Variants in PRDM1 observed in about 807,000 individuals in gnomAD.
PRDM1 encodes PR/SET domain 1.
Under a neutral mutation model 62.8 loss-of-function variants are expected in PRDM1, and 13 were observed. That is an observed-to-expected ratio of 0.21 (90% CI 0.13 to 0.33). The LOEUF (loss-of-function observed/expected upper bound fraction) is 0.33. PRDM1 is among the 10% of genes least tolerant of loss of function. PRDM1 has a pLI of 1.00. For synonymous variants in PRDM1, 396 were observed against 417.6 expected, an observed-to-expected ratio of 0.95 and a Z score of 0.63; for missense variants, 895 against 1,058.8, an observed-to-expected ratio of 0.85 and a Z score of 2.15.
chr6:106,000,373 A>AG (rs1489256317), intron 1 of PRDM1, among the ~76,000 whole-genome samples: 1 of 152,202 alleles, frequency 6.6e-6, no homozygotes, highest in Admixed American at 6.5e-5. Context: ...GCTTGAAGCC[A>AG]GAGGTTCAAG....
At position 106,066,091 on chromosome 6, in the gene PRDM1, C is replaced by T. The variant is rs144566186; in HGVS notation, c.-67+17377C>T. Among the ~76,000 whole-genome samples the T allele has an allele frequency of 3.7e-4, 57 of 152,250 alleles. 1 individual carries two copies. The East Asian group carries it at 9.1e-3, about 24-fold the overall frequency. On this transcript the variant is annotated intron_variant, in intron 1 of 6. Transcript: ENST00000651185. ...GTTGGGAGGCCCTTGGAGAAACAGCCGCCCTGCCTAACCACCCATTGTCTA... is the reference window on the plus strand; with the variant it reads ...GTTGGGAGGCCCTTGGAGAAACAGCTGCCCTGCCTAACCACCCATTGTCTA...
chr6:106,023,722 G>C (rs777074254), intron 1 of PRDM1, among the ~76,000 whole-genome samples: 13 of 152,200 alleles, frequency 8.5e-5, no homozygotes, highest in Non-Finnish European at 1.8e-4. Flanking sequence ...AATTGTCCCA[G>C]AGCTGGACAG....
rs1650232184 is a variant in PRDM1 at position 106,105,459 on chromosome 6, C to G, written c.1299C>G (p.Gly433=). ...TGAGCGCTGTGAGCAGCATGAATGGCATCAACAACTTTGGCCTCTTCCCGA... is the reference window on the plus strand; with the variant it reads ...TGAGCGCTGTGAGCAGCATGAATGGGATCAACAACTTTGGCCTCTTCCCGA... ...NGLSAVSSMN[G]INNFGLFPRL... is the part of the protein sequence containing the mutation. The change falls in exon 5 of 7, where the codon GGC becomes GGG. Residue 433 remains glycine (G), a synonymous_variant. Coordinates refer to ENST00000369096, the MANE Select transcript of PRDM1 (RefSeq NM_001198.4). The G allele has an allele frequency of 6.2e-7, 1 of 1,614,046 alleles. No individual in the cohort carries two copies. The highest frequency in any genetic ancestry group is 1.3e-5 in the African/African-American group (1 of 74,924).
At chr6:106,027,151 A>T (rs1438349653) in intron 1 of PRDM1, among the ~76,000 whole-genome samples, 17 of 152,182 alleles carry the variant, frequency 1.1e-4, no homozygotes, top group Non-Finnish European at 1.5e-5. Context: ...GCTCTCCCTC[A>T]GTTTATTCCT....
Position 106,086,663 on chromosome 6 carries a change from ATTG to A in PRDM1, c.42+71_42+73del, listed in dbSNP as rs111440924. 88 of 1,367,688 alleles carry A rather than the reference ATTG, an allele frequency of 6.4e-5. 2 individuals are homozygous for A. In the African/African-American group the frequency reaches 8.8e-4, roughly 14 times the overall value. 84.7% of individuals were successfully genotyped at this position (1,367,688 alleles called of 1,614,324 possible). A position where few individuals can be genotyped will look rare whatever the true frequency, so the allele number is the denominator to read the frequency against. Reference sequence around the variant, plus strand: ...TGAAAACTTTATTTTCTTTTCCTTTATTGTTATTATTATTAATTTTTTTTGGCT... The same window carrying A: ...TGAAAACTTTATTTTCTTTTCCTTTATTATTATTATTAATTTTTTTTGGCT... On this transcript the variant is annotated intron_variant, in intron 1 of 6. Transcript: ENST00000369096.
At chr6:106,075,809 AG>A (rs1461758419) in intron 1 of PRDM1, among the ~76,000 whole-genome samples, 3 of 151,934 alleles carry the variant, frequency 2.0e-5, no homozygotes, top group Admixed American at 1.3e-4. Context: ...CTCCTGCCTC[AG>A]TCTCCAGAGT....
chr6:106,040,557 C>T (rs576457567), intron 1 of PRDM1, among the ~76,000 whole-genome samples: 4 of 152,378 alleles, frequency 2.6e-5, no homozygotes, highest in East Asian at 3.9e-4. Flanking sequence ...TGCAGCTTTT[C>T]TCTGTAAAGC....
chr6:106,062,432 C>A (rs1230752226), intron 1 of PRDM1, among the ~76,000 whole-genome samples: 2 of 152,106 alleles, frequency 1.3e-5, no homozygotes, highest in Admixed American at 6.5e-5. Flanking sequence ...CTGATTTATA[C>A]AGAATAATTT....
chr6:106,027,604 T>A (rs1473959236), intron 1 of PRDM1, among the ~76,000 whole-genome samples: 1 of 147,130 alleles, frequency 6.8e-6, no homozygotes, highest in Non-Finnish European at 1.5e-5. Flanking sequence ...ACAGACTGCA[T>A]GGAAAAATAG....
chr6:106,010,413 C>G (rs1772531691), intron 1 of PRDM1, among the ~76,000 whole-genome samples: 1 of 152,082 alleles, frequency 6.6e-6, no homozygotes, highest in African/African-American at 2.4e-5. Context: ...ATCAGCTCAA[C>G]TTTTTTGACT....
Position 106,088,253 on chromosome 6 carries a change from G to T in PRDM1, c.95G>T (p.Gly32Val). Residue 32 changes from glycine to valine, a missense_variant, in exon 2 of 7, where the codon GGG becomes GTG. By Grantham distance (109) the Gly-to-Val change is moderately radical (BLOSUM62 -3). This residue lies in a region of PRDM1 where 213 missense variants were observed against 283.9 expected (regional missense o/e 0.75). Coordinates refer to ENST00000369096, the MANE Select transcript of PRDM1 (RefSeq NM_001198.4). The part of the protein sequence containing the change: ...STVRFQGLAE[G>V]TKGTMKMDME... ...GTGAGGTTTCAGGGATTGGCAGAGG[G>T]GACCAAGGGGACCATGAAAATGGAC... 1 of 1,614,058 alleles carries T rather than the reference G, an allele frequency of 6.2e-7. No homozygotes were observed. Among genetic ancestry groups the T allele is most frequent in the Non-Finnish European group, 8.5e-7 (1 of 1,179,994 alleles).
At chr6:106,023,950 T>C (rs1474770551) in intron 1 of PRDM1, among the ~76,000 whole-genome samples, 1 of 152,176 alleles carries the variant, frequency 6.6e-6, no homozygotes, top group African/African-American at 2.4e-5. Flanking sequence ...GAGACCAGCC[T>C]AGGCAACATA....
At chr6:106,004,170 C>T (rs1772458843) in intron 1 of PRDM1, among the ~76,000 whole-genome samples, 1 of 152,028 alleles carries the variant, frequency 6.6e-6, no homozygotes, top group South Asian at 2.1e-4. Context: ...AGCCTGACCT[C>T]TCCACTCTCT....
At chr6:106,020,155 G>C (rs1344020794) in intron 1 of PRDM1, among the ~76,000 whole-genome samples, 1 of 146,340 alleles carries the variant, frequency 6.8e-6, no homozygotes, top group Admixed American at 6.8e-5. Flanking sequence ...TTGAACCCAG[G>C]AGGGGAAATA....
rs896363725 is a variant in PRDM1, at chr6:105,994,126, A to G, written c.-67+487A>G. Among the ~76,000 whole-genome samples, 8 of 150,822 alleles carry G rather than the reference A, an allele frequency of 5.3e-5. No individual in the cohort carries two copies. The highest frequency in any genetic ancestry group is 1.0e-4 in the Non-Finnish European group (7 of 67,752). On this transcript the variant is annotated intron_variant, in intron 1 of 6. Transcript: ENST00000652320. The surrounding 1 kb of genome is among the most constrained non-coding windows in gnomAD (Gnocchi z 4.1). ...GTTTTAAAAAGCGCGGGGACGGTGG[A>G]GAGGGAGGCGAAGAGCCCGCGCTGC...
At chr6:105,995,976 T>C (rs963441341) in intron 1 of PRDM1, among the ~76,000 whole-genome samples, 1 of 152,218 alleles carries the variant, frequency 6.6e-6, no homozygotes, top group Non-Finnish European at 1.5e-5. Context: ...GGAAAAGCCT[T>C]AAGTAGGATA....
chr6:106,043,397 T>G (rs567872541), intron 1 of PRDM1, among the ~76,000 whole-genome samples: 3 of 152,350 alleles, frequency 2.0e-5, no homozygotes, highest in Admixed American at 1.3e-4. Flanking sequence ...GTGCCTGGCA[T>G]GTAGAGGGAG....
chr6:106,012,634 C>T (rs2114551589), intron 1 of PRDM1, among the ~76,000 whole-genome samples: 1 of 152,220 alleles, frequency 6.6e-6, no homozygotes, highest in East Asian at 1.9e-4. Context: ...CATTACCCCC[C>T]TACACACTCA....
intron 4 of PRDM1, chr6:106,100,417 A>G (rs1774235053): frequency 6.6e-6 from 1 of 152,254 alleles, no homozygotes. Flanking sequence ...TGGTTTTGAT[A>G]TCATTTCAAA....
Sources: gnomAD v4.1 joint callset for allele counts (sites outside exome capture counted in the v4.1 genomes callset) on GRCh38, gnomAD v4.1.1 for gene constraint, gnomAD v4.1.1 regional missense constraint, Gnocchi (gnomAD v3.1) non-coding constraint, MANE v1.5 for transcripts, NCBI Gene and HGNC (gene_info 2026-07-23, HGNC 2026-07-21) for gene names.